The following FAM174C variants were observed in gnomAD, a reference collection of about 807,000 sequenced individuals.
FAM174C encodes family with sequence similarity 174 member C.
Under a neutral mutation model 12.3 loss-of-function variants are expected in FAM174C, and 19 were observed. The observed-to-expected ratio is 1.55, with a 90% CI of 1.08 to 2.27. FAM174C has a LOEUF of 2.27. FAM174C is among the 30% of genes most tolerant of loss of function. The pLI is 0.00. For missense variants in FAM174C, 239 were observed against 190.2 expected, an observed-to-expected ratio of 1.26 and a Z score of -1.51; for synonymous variants, 147 against 103.5, an observed-to-expected ratio of 1.42 and a Z score of -2.55.
intron 1 of FAM174C, 58 bp downstream of exon 1, chr19:1,275,888 G>A (rs1379142821): frequency 2.5e-5 from 37 of 1,477,514 alleles, no homozygotes; most frequent in African/African-American, 2.8e-5. Flanking sequence ...CGCGCGCCTA[G>A]TGCGTCACGT....
chr19:1,277,341 T>A (rs749169747), intron 2 of FAM174C, 42 bp downstream of exon 2: 2 of 1,524,738 alleles, frequency 1.3e-6, no homozygotes, highest in Admixed American at 4.0e-5. Context: ...GTGGGCAGGC[T>A]GGGCTGGAGA....
In FAM174C at chr19:1,277,085, T is replaced by C. The variant is rs145899521; in HGVS notation, c.282-98T>C. On this transcript the variant is annotated intron_variant, in intron 1 of 2. Transcript: ENST00000409293. ...AAACCAGGGAGGTCTGCAGCAGGGC[T>C]CGGGGCTCCAGTAGAGGACGGCAAT... 310 of 1,448,738 alleles carry C rather than the reference T, an allele frequency of 2.1e-4. 1 individual carries two copies. In the African/African-American group the frequency reaches 3.8e-3, roughly 18 times the overall value. The allele number at this position is 1,448,738 out of a possible 1,614,324, so 89.7% of individuals were successfully genotyped here.
chr19:1,277,722 C>T (rs1215098483), intron 2 of FAM174C: 2 of 157,736 alleles, frequency 1.3e-5, no homozygotes, highest in Non-Finnish European at 1.4e-5. Flanking sequence ...GATCCATCTG[C>T]CTGGGCTTCC....
rs377660220 is a variant in FAM174C, at chr19:1,278,934, C to A, written c.*157C>A. Reference sequence around the variant, plus strand: ...GCCAACCCGAGAGCTCCTTTTGGAACCTGCACAGCCCGCCGACCTGTTGCC... The same window carrying A: ...GCCAACCCGAGAGCTCCTTTTGGAAACTGCACAGCCCGCCGACCTGTTGCC... On this transcript the variant is annotated 3_prime_UTR_variant, in exon 3 of 3. Coordinates refer to ENST00000409293, the MANE Select transcript of FAM174C (RefSeq NM_017914.4). The A allele has an allele frequency of 1.2e-6, 2 of 1,613,144 alleles. No homozygotes were observed. Among genetic ancestry groups the A allele is most frequent in the South Asian group, 2.2e-5 (2 of 91,088 alleles).
intron 2 of FAM174C, 134 bp from the exon 3 acceptor site, chr19:1,278,643 G>A: frequency 7.4e-6 from 11 of 1,496,308 alleles, no homozygotes; most frequent in Non-Finnish European, 8.0e-6. Context: ...AGGGAGGCCA[G>A]TGGGGGGAGG....
At chr19:1,277,617 C>T (rs956096442) in intron 2 of FAM174C, among the ~76,000 whole-genome samples, 5 of 151,982 alleles carry the variant, frequency 3.3e-5, no homozygotes, top group Non-Finnish European at 5.9e-5. Flanking sequence ...ATTACAGGCA[C>T]CCGCCACCAC....
At chr19:1,276,264 A>G (rs2144597548) in intron 1 of FAM174C, 1 of 182,414 alleles carries the variant, frequency 5.5e-6, no homozygotes, top group Non-Finnish European at 1.2e-5. Flanking sequence ...TTCTGCTTCT[A>G]CCCACTGAAG....
chr19:1,277,007 G>A lies in FAM174C; in HGVS notation c.282-176G>A, dbSNP rs1010738752. The A allele has an allele frequency of 5.0e-6, 5 of 992,170 alleles. No homozygotes were observed. The African/African-American group carries it at 6.5e-5, about 13-fold the overall frequency. The allele number at this position is 992,170 out of a possible 1,614,324, so 61.5% of individuals were successfully genotyped here. A position where few individuals can be genotyped will look rare whatever the true frequency, so the allele number is the denominator to read the frequency against. ...ATGTCTTCTTACTGTCATCGCCATGGGAGTGAATGGTAATCACTTGGCGAT... is the reference window on the plus strand; with the variant it reads ...ATGTCTTCTTACTGTCATCGCCATGAGAGTGAATGGTAATCACTTGGCGAT... On this transcript the variant is annotated intron_variant, in intron 1 of 2. Coordinates refer to ENST00000409293, the MANE Select transcript of FAM174C (RefSeq NM_017914.4).
chr19:1,278,897 G>A lies in FAM174C; in HGVS notation c.*120G>A. ...CATTCCCCTGCTGGCCCCGGGGCTGGTCTCACCCAGTGCCAACCCGAGAGC... is the reference window on the plus strand; with the variant it reads ...CATTCCCCTGCTGGCCCCGGGGCTGATCTCACCCAGTGCCAACCCGAGAGC... On this transcript the variant is annotated 3_prime_UTR_variant, in exon 3 of 3. Coordinates refer to ENST00000409293, the MANE Select transcript of FAM174C (RefSeq NM_017914.4). The A allele has an allele frequency of 1.9e-6, 3 of 1,613,106 alleles. No homozygotes were observed. The highest frequency in any genetic ancestry group is 2.5e-6 in the Non-Finnish European group (3 of 1,179,842).
Position 1,278,961 on chromosome 19 carries a change from C to T in FAM174C, c.*184C>T, listed in dbSNP as rs779310747. 3.1e-6 allele frequency: 5 copies of T among 1,612,682 alleles called. No individual in the cohort carries two copies. Among genetic ancestry groups the T allele is most frequent in the Non-Finnish European group, 4.2e-6 (5 of 1,179,952 alleles). On this transcript the variant is annotated 3_prime_UTR_variant, in exon 3 of 3. Coordinates refer to ENST00000409293, the MANE Select transcript of FAM174C (RefSeq NM_017914.4). ...TGCACAGCCCGCCGACCTGTTGCCACCTGCACCCACCGCTGGACCATGCAG... is the reference window on the plus strand; with the variant it reads ...TGCACAGCCCGCCGACCTGTTGCCATCTGCACCCACCGCTGGACCATGCAG...
Position 1,278,700 on chromosome 19 carries a change from C to T in FAM174C, c.*-77C>T, listed in dbSNP as rs1600044346. The T allele has an allele frequency of 4.4e-6, 7 of 1,588,972 alleles. No individual in the cohort carries two copies. The East Asian group carries it at 1.6e-4, about 37-fold the overall frequency. On this transcript the variant is annotated intron_variant, in intron 2 of 2. Transcript: ENST00000409293. ...GGCCTGGACAGGCTGCCTGCCCCTGCCTGACCTGGGTGAGCCTCTGCCCGG... is the reference window on the plus strand; with the variant it reads ...GGCCTGGACAGGCTGCCTGCCCCTGTCTGACCTGGGTGAGCCTCTGCCCGG...
intron 2 of FAM174C, among the ~76,000 whole-genome samples, chr19:1,278,495 C>A (rs1025048271): frequency 6.6e-6 from 1 of 152,052 alleles, no homozygotes; most frequent in Non-Finnish European, 1.5e-5. Flanking sequence ...ACTTTTTGAG[C>A]CCCCAGGGAG....
At chr19:1,277,458 C>T (rs779015214) in intron 2 of FAM174C, among the ~76,000 whole-genome samples, 159 bp downstream of exon 2, 9 of 152,168 alleles carry the variant, frequency 5.9e-5, no homozygotes, top group Non-Finnish European at 1.2e-4. Flanking sequence ...CATCCCTTCT[C>T]CCAGCCTCCA....
intron 1 of FAM174C, chr19:1,276,266 C>G: frequency 5.5e-6 from 1 of 180,870 alleles, no homozygotes; most frequent in Non-Finnish European, 1.2e-5. Context: ...CTGCTTCTAC[C>G]CACTGAAGCT....
chr19:1,275,860 T>G (rs1418056516), intron 1 of FAM174C, 30 bp downstream of exon 1: 1 of 1,530,284 alleles, frequency 6.5e-7, no homozygotes, highest in African/African-American at 1.4e-5. Flanking sequence ...GCGCCGTCTC[T>G]CAGCCTTGGC....
In FAM174C at chr19:1,279,070, C is replaced by T; in HGVS notation, c.*293C>T. On this transcript the variant is annotated 3_prime_UTR_variant, in exon 3 of 3. Coordinates refer to ENST00000409293, the MANE Select transcript of FAM174C (RefSeq NM_017914.4). ...ACCCCAACAGCCACCGCCCAGGACG[C>T]TGAGGCTCCCTTGCCTGACTGTGAC... The T allele has an allele frequency of 6.2e-7, 1 of 1,612,224 alleles. No individual in the cohort carries two copies. The highest frequency in any genetic ancestry group is 8.5e-7 in the Non-Finnish European group (1 of 1,179,992).
intron 2 of FAM174C, among the ~76,000 whole-genome samples, chr19:1,277,712 G>A (rs146387769): frequency 4.6e-5 from 7 of 152,104 alleles, no homozygotes; most frequent in African/African-American, 1.7e-4. Context: ...TACCTCAGGT[G>A]ATCCATCTGC....
At chr19:1,278,739 T>G (rs1300080368) in intron 2 of FAM174C, 38 bp from the exon 3 acceptor site, 1 of 1,610,252 alleles carries the variant, frequency 6.2e-7, no homozygotes, top group Non-Finnish European at 8.5e-7. Context: ...GGCGGGCCCT[T>G]CACTCCTTCC....
intron 2 of FAM174C, 115 bp downstream of exon 2, chr19:1,277,414 C>T (rs529418775): frequency 3.5e-6 from 5 of 1,434,078 alleles, no homozygotes; most frequent in Non-Finnish European, 4.6e-6. Flanking sequence ...CAGCTGACAG[C>T]GGTAGTCAGG....
Sources: allele counts gnomAD v4.1 joint callset (sites outside exome capture counted in the v4.1 genomes callset), GRCh38; gene constraint gnomAD v4.1.1; transcripts MANE v1.5; gene names NCBI Gene and HGNC (gene_info 2026-07-23, HGNC 2026-07-21).